CDK14: variants seen among roughly 807,000 people sequenced by gnomAD.
CDK14 encodes cyclin-dependent kinase 14.
In CDK14, 34 loss-of-function variants were observed where a neutral mutation model predicts 60.7. That is an observed-to-expected ratio of 0.56 (90% CI 0.43 to 0.75). The LOEUF (loss-of-function observed/expected upper bound fraction) is 0.75. Ranked by LOEUF, CDK14 falls within the 30% of genes least tolerant of loss-of-function variation. The pLI, the probability that CDK14 is intolerant of heterozygous loss-of-function variation, is 0.00. For missense variants in CDK14, 482 were observed against 564.1 expected (o/e 0.85, Z 1.47); for synonymous variants, 197 against 203.7 (o/e 0.97, Z 0.28).
At chr7:90,916,100 G>C (rs985139471) in intron 7 of CDK14, among the ~76,000 whole-genome samples, 1 of 152,042 alleles carries the variant, frequency 6.6e-6, no homozygotes, top group Non-Finnish European at 1.5e-5. Flanking sequence ...ACACAAAGTG[G>C]CTTTATTTTT....
At chr7:90,840,761 G>A (rs1790261151) in intron 5 of CDK14, among the ~76,000 whole-genome samples, 1 of 152,120 alleles carries the variant, frequency 6.6e-6, no homozygotes, top group Admixed American at 6.6e-5. Context: ...TCCACAATCA[G>A]TATGTTTTAC....
intron 10 of CDK14, among the ~76,000 whole-genome samples, chr7:91,025,363 C>T (rs1329064313): frequency 6.6e-6 from 1 of 152,016 alleles, no homozygotes; most frequent in East Asian, 1.9e-4. Flanking sequence ...AAGAAGTGTA[C>T]ATATTAAAAG....
intron 6 of CDK14, among the ~76,000 whole-genome samples, chr7:90,883,791 A>G (rs1324177585): frequency 2.6e-5 from 4 of 152,220 alleles, no homozygotes; most frequent in African/African-American, 4.8e-5. Flanking sequence ...AACATATGCA[A>G]ATCAATAAAT....
intron 12 of CDK14, among the ~76,000 whole-genome samples, chr7:91,087,846 A>G (rs1189111416): frequency 6.6e-6 from 1 of 152,198 alleles, no homozygotes; most frequent in African/African-American, 2.4e-5. Flanking sequence ...TGTAAAAACA[A>G]GATTTCCCCT....
At chr7:90,716,737 A>T (rs1802261200) in intron 2 of CDK14, among the ~76,000 whole-genome samples, 1 of 152,088 alleles carries the variant, frequency 6.6e-6, no homozygotes, top group Non-Finnish European at 1.5e-5. Context: ...TATGTTACCG[A>T]AGGAGTAGTA....
intron 14 of CDK14, among the ~76,000 whole-genome samples, chr7:91,197,998 G>A (rs572313906): frequency 2.4e-4 from 37 of 152,340 alleles, no homozygotes; most frequent in African/African-American, 8.9e-4. Flanking sequence ...TGTGAAGCAG[G>A]TACATGGGAG....
At position 90,788,915 on chromosome 7, in the gene CDK14, T is replaced by C. The variant is rs577788991; in HGVS notation, c.465-1658T>C. 2.4e-4 allele frequency among the ~76,000 whole-genome samples: 37 copies of C among 152,170 alleles called. No homozygotes were observed. The South Asian group carries it at 7.1e-3, about 29-fold the overall frequency. ...GGCAAAATCAGACACTGAGAACATA[T>C]AGTGTAGGTGAAGGAGGAGAGGCAG... On this transcript the variant is annotated intron_variant, in intron 4 of 14. Coordinates refer to ENST00000380050, the MANE Select transcript of CDK14 (RefSeq NM_001287135.2).
intron 10 of CDK14, among the ~76,000 whole-genome samples, chr7:90,992,283 T>C (rs1795562341): frequency 6.6e-6 from 1 of 152,214 alleles, no homozygotes; most frequent in Non-Finnish European, 1.5e-5. Flanking sequence ...ACTCACATAG[T>C]GAAAAAACTT....
intron 5 of CDK14, among the ~76,000 whole-genome samples, chr7:90,850,103 TC>T (rs1300396841): frequency 6.6e-6 from 1 of 152,068 alleles, no homozygotes; most frequent in Non-Finnish European, 1.5e-5. Flanking sequence ...TTTCTTTGCT[TC>T]TTTTTAAAAT....
chr7:90,837,990 A>G (rs963899615), intron 5 of CDK14, among the ~76,000 whole-genome samples: 3 of 152,156 alleles, frequency 2.0e-5, no homozygotes, highest in African/African-American at 7.2e-5. Flanking sequence ...TGTTGTTTCC[A>G]TAATACAAAT....
At chr7:90,955,621 A>G in intron 8 of CDK14, 76 bp from the exon 9 acceptor site, 1 of 1,546,338 alleles carries the variant, frequency 6.5e-7, no homozygotes, top group East Asian at 2.3e-5. Context: ...ACCTTTAAGA[A>G]TGTGAACGTT....
chr7:90,944,160 C>A (rs898642299), intron 8 of CDK14, among the ~76,000 whole-genome samples: 10 of 152,186 alleles, frequency 6.6e-5, no homozygotes, highest in Non-Finnish European at 1.3e-4. Context: ...GATGCAGCTG[C>A]CTGATTTTGG....
At chr7:91,093,102 A>G (rs1798876224) in intron 12 of CDK14, among the ~76,000 whole-genome samples, 1 of 152,140 alleles carries the variant, frequency 6.6e-6, no homozygotes, top group African/African-American at 2.4e-5. Flanking sequence ...AACACACATC[A>G]CAGTTACTCA....
chr7:90,635,668 A>C (rs1378414505), intron 2 of CDK14, among the ~76,000 whole-genome samples: 4 of 152,066 alleles, frequency 2.6e-5, no homozygotes, highest in Non-Finnish European at 4.4e-5. Context: ...CAATTCTGTG[A>C]AGAAAGTCAT....
intron 14 of CDK14, among the ~76,000 whole-genome samples, chr7:91,170,757 C>CTTTTT (rs534394498): frequency 1.0e-4 from 14 of 139,786 alleles, no homozygotes; most frequent in African/African-American, 1.8e-4. Flanking sequence ...TGTTTTCAAT[C>CTTTTT]TTTTTTTTTT....
chr7:90,677,348 C>T (rs1801222996), intron 2 of CDK14, among the ~76,000 whole-genome samples: 1 of 152,198 alleles, frequency 6.6e-6, no homozygotes, highest in African/African-American at 2.4e-5. Flanking sequence ...ACTTGAGCTA[C>T]TTGTAATAGT....
intron 11 of CDK14, among the ~76,000 whole-genome samples, chr7:91,073,304 A>G (rs1370612752): frequency 6.6e-6 from 1 of 152,206 alleles, no homozygotes; most frequent in Non-Finnish European, 1.5e-5. Context: ...CTAACAGCTG[A>G]TCTCTCAGCA....
chr7:90,770,841 G>A (rs996972940), intron 4 of CDK14, among the ~76,000 whole-genome samples: 2 of 152,126 alleles, frequency 1.3e-5, no homozygotes, highest in African/African-American at 4.8e-5. Context: ...TCTGACTTCT[G>A]ACAAGACTAT....
intron 6 of CDK14, among the ~76,000 whole-genome samples, chr7:90,866,449 T>A (rs1449713257): frequency 6.6e-6 from 1 of 152,110 alleles, no homozygotes; most frequent in Non-Finnish European, 1.5e-5. Context: ...GAGATACCAT[T>A]GTAAGTTAAA....
Sources: allele counts gnomAD v4.1 joint callset (sites outside exome capture counted in the v4.1 genomes callset), GRCh38; gene constraint gnomAD v4.1.1; transcripts MANE v1.5; gene names NCBI Gene and HGNC (gene_info 2026-07-23, HGNC 2026-07-21).